Variants in ARHGAP42 observed in about 807,000 individuals in gnomAD.
The protein encoded by ARHGAP42 is rho GTPase-activating protein 42.
A neutral mutation model predicts 125.0 loss-of-function variants in ARHGAP42; 63 were observed. The ratio of observed to expected loss-of-function variants is 0.50; its 90% CI spans 0.41 to 0.62. The LOEUF (loss-of-function observed/expected upper bound fraction) is 0.62, where lower values mean the gene tolerates loss of function less well. ARHGAP42 is among the 20% of genes least tolerant of loss of function. The probability of loss-of-function intolerance (pLI) is 0.00; values close to 1 mark genes in which losing one functional copy is unlikely to be tolerated. For missense variants in ARHGAP42, 766 were observed against 1,024.2 expected, an observed-to-expected ratio of 0.75 and a Z score of 3.44; for synonymous variants, 339 against 351.0, an observed-to-expected ratio of 0.97 and a Z score of 0.38.
chr11:100,788,246 T>C (rs1863481672), intron 2 of ARHGAP42, among the ~76,000 whole-genome samples: 1 of 152,202 alleles, frequency 6.6e-6, no homozygotes, highest in African/African-American at 2.4e-5. Context: ...AAATGCAAGA[T>C]TTCAGAGCGT....
chr11:100,812,729 G>A (rs887176396), intron 3 of ARHGAP42, among the ~76,000 whole-genome samples: 2 of 152,236 alleles, frequency 1.3e-5, no homozygotes, highest in East Asian at 1.9e-4. Flanking sequence ...GACTGTTTGA[G>A]GAGGAGCATA....
intron 2 of ARHGAP42, among the ~76,000 whole-genome samples, chr11:100,771,611 T>G (rs1219169175): frequency 1.3e-5 from 2 of 152,130 alleles, no homozygotes; most frequent in Non-Finnish European, 2.9e-5. Context: ...GAATTTTTTT[T>G]TTTTTGAGAC....
chr11:100,939,868 T>C (rs972820870), intron 8 of ARHGAP42, among the ~76,000 whole-genome samples: 7 of 151,986 alleles, frequency 4.6e-5, no homozygotes, highest in Non-Finnish European at 1.0e-4. Flanking sequence ...GGAAAAAGGG[T>C]CTTTGGTTTA....
Position 100,948,470 on chromosome 11 carries a change from A to C in ARHGAP42, c.1057A>C (p.Thr353Pro). The C allele has an allele frequency of 1.3e-6, 2 of 1,548,552 alleles. No homozygotes were observed. Among genetic ancestry groups the C allele is most frequent in the Non-Finnish European group, 1.7e-6 (2 of 1,145,146 alleles). Residue 353 changes from threonine to proline, a missense_variant, in exon 11 of 24, where the codon ACG becomes CCG. This residue lies in a region of ARHGAP42 where 455 missense variants were observed against 636.5 expected (regional missense o/e 0.71). Coordinates refer to ENST00000298815, the MANE Select transcript of ARHGAP42 (RefSeq NM_152432.4). ...IEVVERHGII[T>P]LQAFSEANRK... is the part of the protein sequence containing the mutation. ...GTTTTTAAATAGGCATGGGATCATC[A>C]CGTTACAGGCCTTCTCAGAAGCTAA...
At chr11:100,777,792 A>C (rs191260848) in intron 2 of ARHGAP42, among the ~76,000 whole-genome samples, 154 of 152,328 alleles carry the variant, frequency 1.0e-3, no homozygotes, top group African/African-American at 3.6e-3. Context: ...AATTATTGAA[A>C]ATGCTTCTGT....
intron 8 of ARHGAP42, among the ~76,000 whole-genome samples, chr11:100,939,927 T>C (rs1034178179): frequency 1.3e-5 from 2 of 152,198 alleles, no homozygotes; most frequent in African/African-American, 4.8e-5. Context: ...TAGCTAATAT[T>C]GCTTCATATA....
chr11:100,736,958 A>G (rs1862080967), intron 1 of ARHGAP42, among the ~76,000 whole-genome samples: 1 of 152,202 alleles, frequency 6.6e-6, no homozygotes, highest in Admixed American at 6.5e-5. Flanking sequence ...GCACTATGCT[A>G]AATCTAGAAT....
At chr11:100,690,299 C>T (rs1272774127) in intron 1 of ARHGAP42, among the ~76,000 whole-genome samples, 4 of 152,062 alleles carry the variant, frequency 2.6e-5, no homozygotes, top group Admixed American at 1.3e-4. Context: ...CTTAATGTAA[C>T]CTTATTAAGC....
chr11:100,730,436 A>C (rs1346691787), intron 1 of ARHGAP42, among the ~76,000 whole-genome samples: 1 of 152,240 alleles, frequency 6.6e-6, no homozygotes, highest in Non-Finnish European at 1.5e-5. Flanking sequence ...CCTCTGACCA[A>C]GAATGACCTC....
chr11:100,950,300 TTAA>T (rs1857613343), intron 12 of ARHGAP42, among the ~76,000 whole-genome samples: 1 of 146,412 alleles, frequency 6.8e-6, no homozygotes, highest in African/African-American at 2.5e-5. Flanking sequence ...ATATTATATA[TTAA>T]TAAATATATA....
At chr11:100,801,596 T>A (rs1863852635) in intron 3 of ARHGAP42, among the ~76,000 whole-genome samples, 1 of 152,224 alleles carries the variant, frequency 6.6e-6, no homozygotes, top group East Asian at 1.9e-4. Flanking sequence ...ATTGAGGATT[T>A]TTTTTGTTTT....
At chr11:100,802,958 C>T (rs563252832) in intron 3 of ARHGAP42, among the ~76,000 whole-genome samples, 1 of 152,172 alleles carries the variant, frequency 6.6e-6, no homozygotes, top group African/African-American at 2.4e-5. Flanking sequence ...TAGTTTAGTC[C>T]CCTTGAGTTC....
intron 8 of ARHGAP42, among the ~76,000 whole-genome samples, chr11:100,939,007 A>G (rs1304567816): frequency 6.6e-6 from 1 of 152,242 alleles, no homozygotes; most frequent in Non-Finnish European, 1.5e-5. Context: ...TATCAAAGCC[A>G]TAAATTGTGT....
At chr11:100,863,751 G>A (rs1391119813) in intron 4 of ARHGAP42, among the ~76,000 whole-genome samples, 2 of 152,168 alleles carry the variant, frequency 1.3e-5, no homozygotes, top group Non-Finnish European at 2.9e-5. Context: ...GGTATATTCA[G>A]AATGAAATTG....
intron 1 of ARHGAP42, among the ~76,000 whole-genome samples, chr11:100,709,934 A>G (rs1356936065): frequency 6.6e-6 from 1 of 152,220 alleles, no homozygotes; most frequent in Non-Finnish European, 1.5e-5. Context: ...CCTGAAATGA[A>G]GCCTGTGATA....
At chr11:100,745,404 C>T (rs911263584) in intron 1 of ARHGAP42, among the ~76,000 whole-genome samples, 21 of 152,096 alleles carry the variant, frequency 1.4e-4, no homozygotes, top group African/African-American at 5.1e-4. Flanking sequence ...TTAGTAAGTG[C>T]CGTTTTTATG....
intron 3 of ARHGAP42, among the ~76,000 whole-genome samples, chr11:100,836,716 TTTG>T (rs1864795285): frequency 1.4e-5 from 2 of 143,940 alleles, no homozygotes; most frequent in South Asian, 2.3e-4. Context: ...TTGTTTTTTT[TTTG>T]TTGTTGTTTT....
intron 2 of ARHGAP42, among the ~76,000 whole-genome samples, chr11:100,794,074 T>TC (rs1863643469): frequency 8.0e-5 from 3 of 37,418 alleles, no homozygotes; most frequent in East Asian, 2.1e-3. Context: ...AGACCCTGTC[T>TC]CAAAAAAAAA....
chr11:100,827,766 C>T (rs1864559115), intron 3 of ARHGAP42, among the ~76,000 whole-genome samples: 1 of 152,208 alleles, frequency 6.6e-6, no homozygotes, highest in South Asian at 2.1e-4. Flanking sequence ...CTGGCTCTAG[C>T]CCATCTCCTT....
Sources: gnomAD v4.1 joint callset for allele counts (sites outside exome capture counted in the v4.1 genomes callset) on GRCh38, gnomAD v4.1.1 for gene constraint, gnomAD v4.1.1 regional missense constraint, MANE v1.5 for transcripts, NCBI Gene and HGNC (gene_info 2026-07-23, HGNC 2026-07-21) for gene names.